The following IL34 variants were observed in gnomAD, a reference collection of about 807,000 sequenced individuals.
The protein encoded by IL34 is interleukin-34.
In IL34, 17 loss-of-function variants were observed where a neutral mutation model predicts 25.3. That is an observed-to-expected ratio of 0.67 (90% CI 0.46 to 1.01). The LOEUF (loss-of-function observed/expected upper bound fraction) is 1.01. Among genes scored for constraint, IL34 ranks in the 50% least tolerant of loss-of-function variants. IL34 has a pLI of 0.00. For synonymous variants in IL34, 174 were observed against 140.9 expected, an observed-to-expected ratio of 1.23 and a Z score of -1.66; for missense variants, 368 against 312.9, an observed-to-expected ratio of 1.18 and a Z score of -1.33.
chr16:70,656,549 C>A (rs930941154), intron 2 of IL34, 53 bp from the exon 3 acceptor site: 1 of 881,716 alleles, frequency 1.1e-6, no homozygotes, highest in East Asian at 2.4e-5. Context: ...GGTTGGGGAG[C>A]CTGCTGGTCA....
chr16:70,621,086 C>T (rs1055583310), intron 1 of IL34, among the ~76,000 whole-genome samples: 5 of 151,890 alleles, frequency 3.3e-5, no homozygotes, highest in African/African-American at 1.2e-4. Context: ...GGGTTCTTGC[C>T]CCCTAGGAAA....
chr16:70,624,346 A>G (rs2051345432), intron 1 of IL34, among the ~76,000 whole-genome samples: 1 of 152,084 alleles, frequency 6.6e-6, no homozygotes, highest in South Asian at 2.1e-4. Flanking sequence ...TTTGTCTCAC[A>G]GTGGAGGCAA....
chr16:70,631,307 T>C (rs1324018070), intron 1 of IL34, among the ~76,000 whole-genome samples: 1 of 152,176 alleles, frequency 6.6e-6, no homozygotes, highest in Non-Finnish European at 1.5e-5. Context: ...AAGTCTCCTT[T>C]CCTGCAGTAA....
chr16:70,607,917 G>T (rs1188169657), intron 1 of IL34, among the ~76,000 whole-genome samples: 2 of 151,554 alleles, frequency 1.3e-5, no homozygotes, highest in Non-Finnish European at 2.9e-5. Flanking sequence ...ACAGGCGAGG[G>T]TCACCATGCC....
upstream of IL34, among the ~76,000 whole-genome samples, chr16:70,645,031 AAGGAAGGAGGACG>A (rs1349737336): frequency 9.8e-5 from 14 of 142,388 alleles, no homozygotes; most frequent in African/African-American, 3.1e-4. Flanking sequence ...GAGAAGGAAA[AAGGAAGGAGGACG>A]AGGAAGGAGG....
At chr16:70,637,303 C>T (rs1331667617) in intron 1 of IL34, among the ~76,000 whole-genome samples, 1 of 152,004 alleles carries the variant, frequency 6.6e-6, no homozygotes, top group East Asian at 1.9e-4. Flanking sequence ...AAGATTTTGT[C>T]CTAGAAGTTT....
At chr16:70,659,583 C>G (rs1208022768) in intron 4 of IL34, 35 bp from the exon 5 acceptor site, 1 of 1,577,066 alleles carries the variant, frequency 6.3e-7, no homozygotes, top group African/African-American at 1.3e-5. Context: ...GCGGCCCCAT[C>G]TCGCCACCGC....
At chr16:70,648,360 AG>A in intron 1 of IL34, among the ~76,000 whole-genome samples, 2 of 152,160 alleles carry the variant, frequency 1.3e-5, no homozygotes, top group Non-Finnish European at 2.9e-5. Flanking sequence ...GTTTGAAACC[AG>A]GCTGGGCAGC....
intron 1 of IL34, among the ~76,000 whole-genome samples, chr16:70,637,462 C>T (rs2051680812): frequency 6.6e-6 from 1 of 152,290 alleles, no homozygotes; most frequent in African/African-American, 2.4e-5. Context: ...AATTCTCCTG[C>T]CTCAGCCTCC....
At chr16:70,644,607 GA>G (rs1389338963), upstream of IL34, among the ~76,000 whole-genome samples, 6 of 149,488 alleles carry the variant, frequency 4.0e-5, no homozygotes, top group African/African-American at 1.2e-4. Context: ...CAATAAACCT[GA>G]AAAAAATCCC....
intron 4 of IL34, among the ~76,000 whole-genome samples, chr16:70,658,718 C>A (rs2052300162): frequency 6.6e-6 from 1 of 151,780 alleles, no homozygotes; most frequent in South Asian, 2.1e-4. Context: ...TGATATGCCT[C>A]CCTCAGCCTC....
chr16:70,649,008 A>G (rs2052012987), intron 1 of IL34, among the ~76,000 whole-genome samples: 1 of 152,018 alleles, frequency 6.6e-6, no homozygotes, highest in African/African-American at 2.4e-5. Flanking sequence ...TTCCTAGGAC[A>G]CTAGTCACTG....
chr16:70,604,834 C>T (rs1475512594), intron 1 of IL34, among the ~76,000 whole-genome samples: 1 of 151,994 alleles, frequency 6.6e-6, no homozygotes, highest in Non-Finnish European at 1.5e-5. Context: ...GAAAGGTAGC[C>T]CCTTGGAGAG....
At chr16:70,632,737 G>A (rs1234080604) in intron 1 of IL34, among the ~76,000 whole-genome samples, 2 of 152,146 alleles carry the variant, frequency 1.3e-5, no homozygotes, top group Non-Finnish European at 2.9e-5. Flanking sequence ...TGAGCAAGAA[G>A]GGAGAGCTAT....
intron 1 of IL34, among the ~76,000 whole-genome samples, chr16:70,623,918 A>G (rs986283987): frequency 1.4e-5 from 2 of 147,472 alleles, no homozygotes; most frequent in African/African-American, 5.0e-5. Flanking sequence ...CAGGCCCTTG[A>G]AAAGAAGGTA....
At chr16:70,648,710 G>T (rs1184057127) in intron 1 of IL34, among the ~76,000 whole-genome samples, 1 of 152,066 alleles carries the variant, frequency 6.6e-6, no homozygotes, top group Non-Finnish European at 1.5e-5. Flanking sequence ...GGGGGCTGGT[G>T]CCCAGGGGCT....
intron 1 of IL34, among the ~76,000 whole-genome samples, chr16:70,600,219 C>G (rs896977496): frequency 2.0e-5 from 3 of 152,064 alleles, no homozygotes; most frequent in Non-Finnish European, 4.4e-5. Context: ...AAGTCTCTAC[C>G]CCTCTCTACC....
chr16:70,580,626 C>A (rs2050626404), intron 1 of IL34, among the ~76,000 whole-genome samples: 1 of 151,850 alleles, frequency 6.6e-6, no homozygotes, highest in African/African-American at 2.4e-5. Flanking sequence ...ACTAAAAATA[C>A]AAAAGTTAGC....
chr16:70,640,941 T>A (rs908108234), intron 1 of IL34, among the ~76,000 whole-genome samples: 1 of 151,936 alleles, frequency 6.6e-6, no homozygotes, highest in African/African-American at 2.4e-5. Context: ...ACATACAGGG[T>A]ATATAGGTAT....
Sources: allele counts gnomAD v4.1 joint callset (sites outside exome capture counted in the v4.1 genomes callset), GRCh38; gene constraint gnomAD v4.1.1; transcripts MANE v1.5; gene names NCBI Gene and HGNC (gene_info 2026-07-23, HGNC 2026-07-21).